SLC44A5: variants seen among roughly 807,000 people sequenced by gnomAD.
SLC44A5 encodes the protein choline transporter-like protein 5.
A neutral mutation model predicts 101.8 loss-of-function variants in SLC44A5; 57 were observed. That is an observed-to-expected ratio of 0.56 (90% CI 0.45 to 0.70). SLC44A5 has a LOEUF of 0.70. Ranked by LOEUF, SLC44A5 falls within the 30% of genes least tolerant of loss-of-function variation. The pLI is 0.00. For synonymous variants in SLC44A5, 281 were observed against 290.9 expected (o/e 0.97, Z 0.35); for missense variants, 737 against 853.1 (o/e 0.86, Z 1.70).
At chr1:75,709,286 A>C in the SLC44A5 span, among the ~76,000 whole-genome samples, 2 of 152,234 alleles carry the variant, frequency 1.3e-5, no homozygotes, top group Admixed American at 6.5e-5. Context: ...TGAGATTTCA[A>C]ATACTTAGAA....
the SLC44A5 span, among the ~76,000 whole-genome samples, chr1:75,631,711 A>G: frequency 0.068 from 10,332 of 151,554 alleles, 1,173 homozygotes; most frequent in African/African-American, 0.24. Flanking sequence ...TAATTTTTGT[A>G]TTTTTAGTAG....
At chr1:75,569,488 C>T (rs991979066) in intron 1 of SLC44A5, among the ~76,000 whole-genome samples, 1 of 152,082 alleles carries the variant, frequency 6.6e-6, no homozygotes, top group African/African-American at 2.4e-5. Context: ...GTTATCTGCC[C>T]TCATAGGCCT....
the SLC44A5 span, among the ~76,000 whole-genome samples, chr1:75,680,320 C>T: frequency 6.6e-6 from 1 of 151,812 alleles, no homozygotes; most frequent in Non-Finnish European, 1.5e-5. Flanking sequence ...TTTTTTTCAG[C>T]ACCACACCAC....
chr1:75,554,978 A>C (rs1406762654), intron 1 of SLC44A5, among the ~76,000 whole-genome samples: 1 of 152,118 alleles, frequency 6.6e-6, no homozygotes, highest in Admixed American at 6.6e-5. Flanking sequence ...CCAGCTCATA[A>C]GAAGGCAGAA....
chr1:75,508,865 G>A (rs1053916903), intron 2 of SLC44A5, among the ~76,000 whole-genome samples: 1 of 152,188 alleles, frequency 6.6e-6, no homozygotes, highest in Non-Finnish European at 1.5e-5. Flanking sequence ...GGAAGAGAGT[G>A]AAAAAATGCT....
rs1021338294 is a variant in SLC44A5 at position 75,289,716 on chromosome 1, C to G, written c.175+10896G>C. On this transcript the variant is annotated intron_variant, in intron 5 of 23. Coordinates refer to ENST00000370859, the MANE Select transcript of SLC44A5 (RefSeq NM_001130058.2). ...AACTGACTGAAGAAAAAAAATTAAA[C>G]CAGATTTATAGACGGCTGTGGAGGA... Among the ~76,000 whole-genome samples the G allele has an allele frequency of 8.2e-4, 125 of 152,236 alleles. 2 individuals carry two copies. Among genetic ancestry groups the G allele is most frequent in the Non-Finnish European group, 2.6e-4 (18 of 68,024 alleles).
At chr1:75,224,570 T>C (rs1647157198) in intron 13 of SLC44A5, among the ~76,000 whole-genome samples, 1 of 148,804 alleles carries the variant, frequency 6.7e-6, no homozygotes, top group African/African-American at 2.5e-5. Context: ...ATGTATGTAT[T>C]TGTGTCTTTA....
chr1:75,360,669 G>A (rs72984870), intron 3 of SLC44A5, among the ~76,000 whole-genome samples: 3,274 of 152,138 alleles, frequency 0.022, 115 homozygotes, highest in African/African-American at 0.075. Flanking sequence ...ATTGTTAAAC[G>A]TGTCTGTTTT....
At chr1:75,360,338 ATTTAT>A (rs1659397441) in intron 3 of SLC44A5, among the ~76,000 whole-genome samples, 1 of 152,090 alleles carries the variant, frequency 6.6e-6, no homozygotes, top group South Asian at 2.1e-4. Flanking sequence ...TAAGCTGAAT[ATTTAT>A]TTTATTTCAT....
At chr1:75,678,266 C>A in the SLC44A5 span, among the ~76,000 whole-genome samples, 2 of 152,158 alleles carry the variant, frequency 1.3e-5, no homozygotes, top group African/African-American at 4.8e-5. Flanking sequence ...CACCACAGCT[C>A]AAGGAGGCCT....
intron 6 of SLC44A5, among the ~76,000 whole-genome samples, chr1:75,269,403 GTA>G (rs1474596212): frequency 6.6e-6 from 1 of 151,924 alleles, no homozygotes; most frequent in Non-Finnish European, 1.5e-5. Flanking sequence ...GAGTTAAGGT[GTA>G]TTTATGTGTT....
chr1:75,621,686 A>G, the SLC44A5 span, among the ~76,000 whole-genome samples: 1 of 152,174 alleles, frequency 6.6e-6, no homozygotes, highest in Non-Finnish European at 1.5e-5. Context: ...AAGGATGTCA[A>G]ATGATCCAAA....
chr1:75,698,982 T>C, the SLC44A5 span, among the ~76,000 whole-genome samples: 1 of 152,090 alleles, frequency 6.6e-6, no homozygotes, highest in Non-Finnish European at 1.5e-5. Flanking sequence ...GAACAAAGCC[T>C]CCAAGAAATA....
At chr1:75,537,034 A>AAAATATATATATG (rs1553199990) in intron 2 of SLC44A5, among the ~76,000 whole-genome samples, 2 of 18,648 alleles carry the variant, frequency 1.1e-4, no homozygotes, top group African/African-American at 2.1e-4. Flanking sequence ...AAAAAAAAAA[A>AAAATATATATATG]TATATATCTA....
chr1:75,313,815 T>A (rs1021017385), intron 4 of SLC44A5, among the ~76,000 whole-genome samples: 3 of 152,058 alleles, frequency 2.0e-5, no homozygotes, highest in Admixed American at 2.0e-4. Flanking sequence ...TATTAAAGAT[T>A]GAGAAAGAAA....
At chr1:75,638,854 T>A in the SLC44A5 span, among the ~76,000 whole-genome samples, 97 of 152,216 alleles carry the variant, frequency 6.4e-4, no homozygotes, top group Non-Finnish European at 7.2e-4. Flanking sequence ...TTGTGAATAG[T>A]GCTGCAATAA....
intron 1 of SLC44A5, among the ~76,000 whole-genome samples, chr1:75,548,166 T>C (rs1557896224): frequency 6.6e-6 from 1 of 152,166 alleles, no homozygotes; most frequent in Admixed American, 6.6e-5. Flanking sequence ...ACAGACCAAG[T>C]CTCATTTTTA....
At chr1:75,344,047 C>T (rs1311312008) in intron 3 of SLC44A5, among the ~76,000 whole-genome samples, 2 of 152,066 alleles carry the variant, frequency 1.3e-5, no homozygotes, top group Non-Finnish European at 2.9e-5. Context: ...ATGGTTCCCC[C>T]CTTTTCATAT....
intron 2 of SLC44A5, among the ~76,000 whole-genome samples, chr1:75,445,771 A>G (rs1301450545): frequency 6.6e-6 from 1 of 152,030 alleles, no homozygotes; most frequent in Non-Finnish European, 1.5e-5. Flanking sequence ...CTTTCTCTCC[A>G]ACTGCCCATG....
Sources: allele counts gnomAD v4.1 joint callset (sites outside exome capture counted in the v4.1 genomes callset), GRCh38; gene constraint gnomAD v4.1.1; transcripts MANE v1.5; gene names NCBI Gene and HGNC (gene_info 2026-07-23, HGNC 2026-07-21).